Variants in MYADM observed in about 807,000 individuals in gnomAD.
The protein encoded by MYADM is myeloid-associated differentiation marker.
For missense variants in MYADM, 416 were observed against 443.4 expected, an observed-to-expected ratio of 0.94 and a Z score of 0.56; for synonymous variants, 224 against 210.2, an observed-to-expected ratio of 1.07 and a Z score of -0.57.
rs1447837617 is a variant in MYADM at position 53,873,814 on chromosome 19, CCT to C, written c.286_287del (p.Leu96ValfsTer169). On this transcript the variant is annotated frameshift_variant, in exon 3 of 3. Transcript: ENST00000391770. LOFTEE classifies it low-confidence loss of function (END_TRUNC). This position sits in a 1 kb window ranked among gnomAD's most constrained non-coding sequence, Gnocchi z 4.3. ...ELCGLQARFPLSWRNFPITFA... is the reference protein window; with the variant it reads ...ELCGLQARFPXSWRNFPITFA... ...TGTGCGGGCTCCAGGCCCGCTTCCC[CCT>C]GTCTTGGCGCAACTTCCCCATCACC... 4 of 1,613,638 alleles carry C rather than the reference CCT, an allele frequency of 2.5e-6. No individual in the cohort carries two copies. Among genetic ancestry groups the C allele is most frequent in the South Asian group, 2.2e-5 (2 of 91,094 alleles).
Position 53,868,390 on chromosome 19 carries a change from G to C in MYADM, c.-88+447G>C, listed in dbSNP as rs1021579172. On this transcript the variant is annotated intron_variant, in intron 1 of 2. Coordinates refer to ENST00000391770, the MANE Select transcript of MYADM (RefSeq NM_138373.5). This position sits in a 1 kb window ranked among gnomAD's most constrained non-coding sequence, Gnocchi z 6.3. ...GGAGGCTGGAATCTGGTACGTGGAG[G>C]TCCTTTAGGAGGGGAAGCGCTTAGG... Among the ~76,000 whole-genome samples the C allele has an allele frequency of 2.0e-5, 3 of 152,074 alleles. No homozygotes were observed. The highest frequency in any genetic ancestry group is 4.4e-5 in the Non-Finnish European group (3 of 68,000).
Position 53,874,581 on chromosome 19 carries a change from C to G in MYADM, c.*83C>G. ...TTTCTTTATGGAGTACTTCTTTCCT[C>G]CGCCTTTCCTCTGTTTTCCTCTTCC... is the stretch of plus-strand genomic sequence containing the variant. On this transcript the variant is annotated 3_prime_UTR_variant, in exon 3 of 3. Transcript: ENST00000391770. 6.9e-7 allele frequency: 1 copy of G among 1,458,210 alleles called. No individual in the cohort carries two copies. Among genetic ancestry groups the G allele is most frequent in the Non-Finnish European group, 9.1e-7 (1 of 1,093,598 alleles). The allele number at this position is 1,458,210 out of a possible 1,614,324, so 90.3% of individuals were successfully genotyped here.
In MYADM at chr19:53,868,586, G is replaced by A. The variant is rs551977188; in HGVS notation, c.-88+643G>A. ...AGTGCAGAAGGAGCTGGGAAAGGAGGAGAAGACAGGGCTGCGTCCCGCACC... is the reference window on the plus strand; with the variant it reads ...AGTGCAGAAGGAGCTGGGAAAGGAGAAGAAGACAGGGCTGCGTCCCGCACC... On this transcript the variant is annotated intron_variant, in intron 1 of 2. Coordinates refer to ENST00000391770, the MANE Select transcript of MYADM (RefSeq NM_138373.5). The surrounding 1 kb of genome is among the most constrained non-coding windows in gnomAD (Gnocchi z 6.3). Among the ~76,000 whole-genome samples the A allele has an allele frequency of 1.1e-4, 16 of 152,212 alleles. No individual in the cohort carries two copies. In the South Asian group the frequency reaches 3.3e-3, roughly 32 times the overall value.
At position 53,873,384 on chromosome 19, in the gene MYADM, A is replaced by AG. The variant is rs2068433399; in HGVS notation, c.-2-143dup. ...AAGACTCTGTCTCAAAAAAAAAAAA[A>AG]GAAAAGAAAACCGAAAGCCCCACAT... On this transcript the variant is annotated intron_variant, in intron 2 of 2. Transcript: ENST00000391770. This position sits in a 1 kb window ranked among gnomAD's most constrained non-coding sequence, Gnocchi z 4.3. The AG allele has an allele frequency of 1.1e-6, 1 of 891,272 alleles. No individual in the cohort carries two copies. The highest frequency in any genetic ancestry group is 1.7e-6 in the Non-Finnish European group (1 of 593,500). 55.2% of individuals were successfully genotyped at this position (891,272 alleles called of 1,614,324 possible).
chr19:53,873,760 C>G lies in MYADM; in HGVS notation c.231C>G (p.Ser77=), dbSNP rs760828185. Residue 77 remains serine (S), a synonymous_variant, in exon 3 of 3, where the codon TCC becomes TCG. Transcript: ENST00000391770. This position sits in a 1 kb window ranked among gnomAD's most constrained non-coding sequence, Gnocchi z 4.3. The stretch of plus-strand genomic sequence containing the variant: ...TGTTCACCTGGTGCTTCTGCTTCTC[C>G]GTGACCCTGATCATCCTCATCGTGG... ...WSMFTWCFCF[S]VTLIILIVEL... is the part of the protein sequence containing the mutation. The G allele has an allele frequency of 1.7e-5, 28 of 1,613,966 alleles. No individual in the cohort carries two copies. The Admixed American group carries it at 3.7e-4, about 21-fold the overall frequency.
intron 2 of MYADM, among the ~76,000 whole-genome samples, chr19:53,870,943 G>A (rs183640400): frequency 2.0e-5 from 3 of 152,244 alleles, no homozygotes; most frequent in East Asian, 1.9e-4. Context: ...ATAACAGGAC[G>A]GTGATGGCCA....
Position 53,873,765 on chromosome 19 carries a change from C to A in MYADM, c.236C>A (p.Thr79Asn). ...ACCTGGTGCTTCTGCTTCTCCGTGA[C>A]CCTGATCATCCTCATCGTGGAGCTG... ...MFTWCFCFSV[T>N]LIILIVELCG... Residue 79 changes from threonine to asparagine, a missense_variant, in exon 3 of 3, where the codon ACC becomes AAC. Transcript: ENST00000391770. The surrounding 1 kb of genome is among the most constrained non-coding windows in gnomAD (Gnocchi z 4.3). The A allele has an allele frequency of 6.2e-7, 1 of 1,613,990 alleles. No individual in the cohort carries two copies. Among genetic ancestry groups the A allele is most frequent in the Non-Finnish European group, 8.5e-7 (1 of 1,180,034 alleles).
upstream of MYADM, among the ~76,000 whole-genome samples, chr19:53,866,650 C>T (rs2068250215): frequency 6.6e-6 from 1 of 151,674 alleles, no homozygotes; most frequent in Non-Finnish European, 1.5e-5. This position sits in a 1 kb window ranked among gnomAD's most constrained non-coding sequence, Gnocchi z 4.3. Flanking sequence ...ATCCGTGAAT[C>T]CAGAGCCCCA....
rs1255649971 is a variant in MYADM, at chr19:53,874,113, A to G, written c.584A>G (p.Asn195Ser). 3.7e-6 allele frequency: 6 copies of G among 1,612,770 alleles called. No individual in the cohort carries two copies. The South Asian group carries it at 4.4e-5, about 12-fold the overall frequency. The change falls in exon 3 of 3, where the codon AAC (asparagine) becomes AGC (serine). Residue 195 changes from asparagine to serine, a missense_variant. Asn to Ser is a conservative substitution (Grantham distance 46, BLOSUM62 1). Coordinates refer to ENST00000391770, the MANE Select transcript of MYADM (RefSeq NM_138373.5). Reference sequence around the variant, plus strand: ...ATCTTCGCGTTCATCAGCGACCCCAACCTGTACCAGCACCAGCCGGCCCTG... The same window carrying G: ...ATCTTCGCGTTCATCAGCGACCCCAGCCTGTACCAGCACCAGCCGGCCCTG... ...CIIFAFISDPNLYQHQPALEW... is the reference protein window; with the variant it reads ...CIIFAFISDPSLYQHQPALEW...
At position 53,873,595 on chromosome 19, in the gene MYADM, C is replaced by T; in HGVS notation, c.66C>T (p.Ser22=). Residue 22 remains serine, a synonymous_variant, in exon 3 of 3, where the codon TCC becomes TCT. Coordinates refer to ENST00000391770, the MANE Select transcript of MYADM (RefSeq NM_138373.5). The surrounding 1 kb of genome is among the most constrained non-coding windows in gnomAD (Gnocchi z 4.3). ...TTTTSSSGLG[S]PMIVGSPRAL... is the part of the protein sequence containing the mutation. ...CGACGTCATCTTCGGGCCTGGGGTCCCCCATGATCGTGGGGTCCCCTCGGG... is the reference window on the plus strand; with the variant it reads ...CGACGTCATCTTCGGGCCTGGGGTCTCCCATGATCGTGGGGTCCCCTCGGG... 6.2e-7 allele frequency: 1 copy of T among 1,613,856 alleles called. No individual in the cohort carries two copies. Among genetic ancestry groups the T allele is most frequent in the South Asian group, 1.1e-5 (1 of 91,080 alleles).
chr19:53,871,884 T>G (rs2122925457), intron 2 of MYADM, among the ~76,000 whole-genome samples: 1 of 151,954 alleles, frequency 6.6e-6, no homozygotes, highest in South Asian at 2.1e-4. Context: ...TTTATTTATT[T>G]TATTTATTTT....
rs1056760256 is a variant in MYADM at position 53,873,685 on chromosome 19, G to A, written c.156G>A (p.Ser52=). The change falls in exon 3 of 3, where the codon TCG becomes TCA. Residue 52 remains serine, a synonymous_variant. Coordinates refer to ENST00000391770, the MANE Select transcript of MYADM (RefSeq NM_138373.5). This position sits in a 1 kb window ranked among gnomAD's most constrained non-coding sequence, Gnocchi z 4.3. ...TGGTGTCTACCTGCGTGGCCTTCTC[G>A]CTGGTGGCTAGCGTGGGCGCCTGGA... ...LQLVSTCVAF[S]LVASVGAWTG... is the part of the protein sequence containing the mutation. 9.3e-6 allele frequency: 15 copies of A among 1,614,040 alleles called. No individual in the cohort carries two copies. The highest frequency in any genetic ancestry group is 1.7e-4 in the Middle Eastern group (1 of 6,060).
Position 53,876,259 on chromosome 19 carries a change from G to A in MYADM, c.*1761G>A, listed in dbSNP as rs2068534378. Reference sequence around the variant, plus strand: ...CTTGTCTGGGACTCACATACATAACGTGATATATATATATATATATATAAA... The same window carrying A: ...CTTGTCTGGGACTCACATACATAACATGATATATATATATATATATATAAA... On this transcript the variant is annotated 3_prime_UTR_variant, in exon 3 of 3. Transcript: ENST00000391770. 1.9e-5 allele frequency: 1 copy of A among 51,540 alleles called. No individual in the cohort carries two copies. Among genetic ancestry groups the A allele is most frequent in the Non-Finnish European group, 8.0e-5 (1 of 12,510 alleles). 3.2% of individuals were successfully genotyped at this position (51,540 alleles called of 1,614,324 possible). A position where few individuals can be genotyped will look rare whatever the true frequency, so the allele number is the denominator to read the frequency against.
In MYADM at chr19:53,868,730, C is replaced by T. The variant is rs991376647; in HGVS notation, c.-88+787C>T. 1.8e-4 allele frequency among the ~76,000 whole-genome samples: 28 copies of T among 152,092 alleles called. No individual in the cohort carries two copies. The highest frequency in any genetic ancestry group is 4.8e-5 in the African/African-American group (2 of 41,410). ...AGGGGCTGGGTGTGGCCCGGAGAGT[C>T]GGGTGCGCTGCGAGGAATCCCGGAG... On this transcript the variant is annotated intron_variant, in intron 1 of 2. Transcript: ENST00000391770. The surrounding 1 kb of genome is among the most constrained non-coding windows in gnomAD (Gnocchi z 6.3).
At position 53,873,467 on chromosome 19, in the gene MYADM, A is replaced by T; in HGVS notation, c.-2-61A>T. On this transcript the variant is annotated intron_variant, in intron 2 of 2. Transcript: ENST00000391770. The surrounding 1 kb of genome is among the most constrained non-coding windows in gnomAD (Gnocchi z 4.3). ...TTTGTCCCTGGGGTAGGCAATGGCT[A>T]AGGGACCTGGATTCTTATGTTTGTG... The T allele has an allele frequency of 6.6e-7, 1 of 1,516,652 alleles. No individual in the cohort carries two copies. The allele number at this position is 1,516,652 out of a possible 1,614,324, so 93.9% of individuals were successfully genotyped here.
chr19:53,866,337 G>T (rs2068244502), upstream of MYADM: 1 of 151,892 alleles, frequency 6.6e-6, no homozygotes, highest in Non-Finnish European at 1.5e-5. The surrounding 1 kb of genome is among the most constrained non-coding windows in gnomAD (Gnocchi z 4.3). Context: ...GCTCAGCGTC[G>T]CTGAGCATCC....
At chr19:53,866,595 G>A (rs2068249218), upstream of MYADM, among the ~76,000 whole-genome samples, 1 of 152,150 alleles carries the variant, frequency 6.6e-6, no homozygotes, top group African/African-American at 2.4e-5. The surrounding 1 kb of genome is among the most constrained non-coding windows in gnomAD (Gnocchi z 4.3). Flanking sequence ...CCTGCCCTGG[G>A]GCTTCGGGCC....
rs2068491801 is a variant in MYADM, at chr19:53,874,783, T to C, written c.*285T>C. 3 of 200,072 alleles carry C rather than the reference T, an allele frequency of 1.5e-5. No individual in the cohort carries two copies. Among genetic ancestry groups the C allele is most frequent in the Non-Finnish European group, 3.1e-5 (3 of 95,744 alleles). The allele number at this position is 200,072 out of a possible 1,614,324, so 12.4% of individuals were successfully genotyped here. A position where few individuals can be genotyped will look rare whatever the true frequency, so the allele number is the denominator to read the frequency against. Reference sequence around the variant, plus strand: ...CTCTTTTTCTTTTCTTTTTTTTTTTTTTTTTTTTTTAAGACGGATTCTCAC... The same window carrying C: ...CTCTTTTTCTTTTCTTTTTTTTTTTCTTTTTTTTTTAAGACGGATTCTCAC... On this transcript the variant is annotated 3_prime_UTR_variant, in exon 3 of 3. Coordinates refer to ENST00000391770, the MANE Select transcript of MYADM (RefSeq NM_138373.5).
chr19:53,872,359 A>G lies in MYADM; in HGVS notation c.-2-1169A>G, dbSNP rs142998103. Among the ~76,000 whole-genome samples the G allele has an allele frequency of 5.7e-3, 859 of 150,906 alleles. 13 individuals carry two copies. The highest frequency in any genetic ancestry group is 0.02 in the African/African-American group (806 of 40,972). On this transcript the variant is annotated intron_variant, in intron 2 of 2. Transcript: ENST00000391770. ...TGCAGGTGCATGCCACCACGCCCAG[A>G]TAATTTTTGTATTATTAGTAGAGAC...
Sources: allele counts gnomAD v4.1 joint callset (sites outside exome capture counted in the v4.1 genomes callset), GRCh38; gene constraint gnomAD v4.1.1; non-coding constraint Gnocchi (gnomAD v3.1); transcripts MANE v1.5; gene names NCBI Gene and HGNC (gene_info 2026-07-23, HGNC 2026-07-21).